TTLL11: variants seen among roughly 807,000 people sequenced by gnomAD.
TTLL11 encodes the protein tubulin polyglutamylase TTLL11.
In TTLL11, 42 loss-of-function variants were observed where a neutral mutation model predicts 51.7. The ratio of observed to expected loss-of-function variants is 0.81; its 90% CI spans 0.64 to 1.05. TTLL11 has a LOEUF of 1.05. TTLL11 is among the 50% of genes least tolerant of loss of function. The pLI, the probability that TTLL11 is intolerant of heterozygous loss-of-function variation, is 0.00. For synonymous variants in TTLL11, 381 were observed against 383.5 expected, an observed-to-expected ratio of 0.99 and a Z score of 0.08; for missense variants, 799 against 940.4, an observed-to-expected ratio of 0.85 and a Z score of 1.97.
chr9:121,891,181 A>G (rs182746637), intron 6 of TTLL11, among the ~76,000 whole-genome samples: 4 of 152,312 alleles, frequency 2.6e-5, no homozygotes, highest in African/African-American at 9.6e-5. Context: ...CAGGGCAGGA[A>G]GACCTTGCTC....
chr9:121,974,123 A>G lies in TTLL11; in HGVS notation c.1367T>C (p.Leu456Pro). The G allele has an allele frequency of 6.5e-7, 1 of 1,550,122 alleles. No homozygotes were observed. The highest frequency in any genetic ancestry group is 8.7e-7 in the Non-Finnish European group (1 of 1,146,030). ...GACATTTTCAAACACCCCTGGAGAA[A>G]GCTTGAACGGGTAAGGATTCTGTGT... ...PSMRIEHEHE[L>P]SPGVFENVPS... is the part of the protein sequence containing the mutation. The change falls in exon 6 of 9, where the codon CTT becomes CCT. Residue 456 changes from leucine to proline, a missense_variant and splice_region_variant. By Grantham distance (98) the Leu-to-Pro change is moderately conservative. Around this residue, in one of 3 missense-constraint regions of TTLL11, gnomAD observed 468 missense variants for 612.8 expected, o/e 0.76. Transcript: ENST00000321582.
chr9:122,069,909 T>C lies in TTLL11; in HGVS notation c.462+22778A>G, dbSNP rs549434455. Among the ~76,000 whole-genome samples the C allele has an allele frequency of 1.8e-3, 278 of 151,586 alleles. 1 individual carries two copies. The highest frequency in any genetic ancestry group is 6.5e-3 in the African/African-American group (271 of 41,474). ...TTGCTCCTGCTCATCATGGCACCGCTGGCCCCACCTTATACATTCTCACAT... is the reference window on the plus strand; with the variant it reads ...TTGCTCCTGCTCATCATGGCACCGCCGGCCCCACCTTATACATTCTCACAT... On this transcript the variant is annotated intron_variant, in intron 1 of 8. Transcript: ENST00000321582.
At chr9:121,958,354 C>T (rs1158166302) in intron 6 of TTLL11, among the ~76,000 whole-genome samples, 2 of 152,170 alleles carry the variant, frequency 1.3e-5, no homozygotes, top group East Asian at 1.9e-4. Context: ...TGGGTCTTTG[C>T]TCTGCCTTAT....
At chr9:121,831,984 G>A (rs141758588) in intron 8 of TTLL11, among the ~76,000 whole-genome samples, 15 of 152,214 alleles carry the variant, frequency 9.9e-5, no homozygotes, top group South Asian at 2.1e-4. Flanking sequence ...GCAGACGGCC[G>A]CCTTCTTGCC....
chr9:121,872,944 AGGTGGTTG>A (rs1838409685), intron 6 of TTLL11, among the ~76,000 whole-genome samples: 11 of 152,348 alleles, frequency 7.2e-5, no homozygotes, highest in African/African-American at 2.6e-4. Context: ...AGTAAATATC[AGGTGGTTG>A]CTTTTCAGTT....
At chr9:121,911,152 T>C (rs1840100227) in intron 6 of TTLL11, among the ~76,000 whole-genome samples, 1 of 152,144 alleles carries the variant, frequency 6.6e-6, no homozygotes. Flanking sequence ...TGCCAGCCCT[T>C]TGGGAGGCTG....
chr9:121,867,154 A>G (rs1838204137), intron 7 of TTLL11, among the ~76,000 whole-genome samples: 1 of 152,152 alleles, frequency 6.6e-6, no homozygotes, highest in Admixed American at 6.5e-5. Flanking sequence ...CCTTCCTCTC[A>G]TACCAGAGGT....
intron 6 of TTLL11, among the ~76,000 whole-genome samples, chr9:121,873,767 C>T (rs1425986672): frequency 6.7e-6 from 1 of 149,412 alleles, no homozygotes; most frequent in East Asian, 2.0e-4. Flanking sequence ...TACCTGGGCT[C>T]AAACAATCTT....
At chr9:121,847,921 G>T (rs1170948053) in intron 8 of TTLL11, among the ~76,000 whole-genome samples, 1 of 152,188 alleles carries the variant, frequency 6.6e-6, no homozygotes, top group African/African-American at 2.4e-5. Context: ...TCAGCAAATT[G>T]AATCACAGGC....
intron 6 of TTLL11, among the ~76,000 whole-genome samples, chr9:121,914,713 G>A (rs10985448): frequency 0.17 from 26,112 of 152,080 alleles, 2,495 homozygotes; most frequent in Admixed American, 0.23. Flanking sequence ...TCCTGCCTGC[G>A]CTCCTGCAGA....
At chr9:122,060,285 T>C (rs5017274) in intron 1 of TTLL11, among the ~76,000 whole-genome samples, 2,623 of 152,360 alleles carry the variant, frequency 0.017, 60 homozygotes, top group African/African-American at 0.06. Flanking sequence ...ATGACAATGA[T>C]GATAGCTAAC....
chr9:121,826,467 GTATATATATA>G (rs374014946), intron 8 of TTLL11, among the ~76,000 whole-genome samples: 3 of 97,072 alleles, frequency 3.1e-5, no homozygotes, highest in African/African-American at 1.3e-4. Context: ...ATATATGTGT[GTATATATATA>G]TATGTATATA....
At chr9:122,005,318 T>C (rs998901577) in intron 3 of TTLL11, among the ~76,000 whole-genome samples, 1 of 152,084 alleles carries the variant, frequency 6.6e-6, no homozygotes, top group Non-Finnish European at 1.5e-5. Flanking sequence ...AAGGCCCAAT[T>C]AGTGTCTGAC....
intron 4 of TTLL11, 197 bp downstream of exon 4, chr9:121,988,998 G>C: frequency 7.4e-7 from 1 of 1,348,786 alleles, no homozygotes; most frequent in Middle Eastern, 2.7e-4. Flanking sequence ...AGGGGAAGTA[G>C]CTTGCCCCAA....
intron 6 of TTLL11, among the ~76,000 whole-genome samples, chr9:121,941,851 T>G (rs1007878269): frequency 1.3e-5 from 2 of 152,108 alleles, no homozygotes; most frequent in Non-Finnish European, 2.9e-5. Flanking sequence ...AGAGTATCCT[T>G]GATTCCTCTC....
intron 8 of TTLL11, among the ~76,000 whole-genome samples, chr9:121,846,031 A>G (rs1837506180): frequency 6.6e-6 from 1 of 150,748 alleles, no homozygotes; most frequent in African/African-American, 2.5e-5. Flanking sequence ...GATAAAAAGA[A>G]ACACACTTTA....
In TTLL11 at chr9:122,031,716, C is replaced by T; in HGVS notation, c.693+7G>A. 1.2e-6 allele frequency: 2 copies of T among 1,612,092 alleles called. No individual in the cohort carries two copies. The highest frequency in any genetic ancestry group is 2.2e-5 in the South Asian group (2 of 90,952). ...TTCAGGGGTCATGGGGACGGAGTGC[C>T]ATCTACCTGAGCAACAAAGAGCTGG... On this transcript the variant is annotated splice_region_variant and intron_variant, in intron 3 of 8. Transcript: ENST00000321582.
rs967141391 is a variant in TTLL11, at chr9:121,974,039, A to G, written c.1451T>C (p.Met484Thr). 1.9e-6 allele frequency: 3 copies of G among 1,551,618 alleles called. No homozygotes were observed. The African/African-American group carries it at 4.1e-5, about 21-fold the overall frequency. Residue 484 changes from methionine (M) to threonine (T), a missense_variant, in exon 6 of 9, where the codon ATG (methionine) becomes ACG (threonine). Transcript: ENST00000321582. The stretch of plus-strand genomic sequence containing the variant: ...CTCTCTTTTCTTCTTAAGTGGGTCC[A>G]TGAGGCGCAGAGTGTCTCTGATCAC... Reference protein sequence around the residue: ...VAVIRDTLRLMDPLKKKRENQ... With the variant: ...VAVIRDTLRLTDPLKKKRENQ...
At position 121,992,401 on chromosome 9, in the gene TTLL11, T is replaced by A. The variant is rs770469729; in HGVS notation, c.694-2631A>T. On this transcript the variant is annotated intron_variant, in intron 3 of 8. Coordinates refer to ENST00000321582, the MANE Select transcript of TTLL11 (RefSeq NM_001139442.2). ...CTTAAAAAGAAGTCATGGACCAGAA[T>A]GAAAATATCATCGATATTCCTGGGC... is the stretch of plus-strand genomic sequence containing the variant. Among the ~76,000 whole-genome samples the A allele has an allele frequency of 3.1e-4, 47 of 152,218 alleles. 1 individual carries two copies. The highest frequency in any genetic ancestry group is 8.8e-5 in the Non-Finnish European group (6 of 68,034).
Sources: allele counts gnomAD v4.1 joint callset (sites outside exome capture counted in the v4.1 genomes callset), GRCh38; gene constraint gnomAD v4.1.1; regional missense constraint gnomAD v4.1.1; transcripts MANE v1.5; gene names NCBI Gene and HGNC (gene_info 2026-07-23, HGNC 2026-07-21).